ACY1: variants seen among roughly 807,000 people sequenced by gnomAD.
ACY1 encodes aminoacylase 1.
Under a neutral mutation model 53.3 loss-of-function variants are expected in ACY1, and 38 were observed. That is an observed-to-expected ratio of 0.71 (90% CI 0.55 to 0.93). The LOEUF (loss-of-function observed/expected upper bound fraction) is 0.93. Ranked by LOEUF, ACY1 falls within the 40% of genes least tolerant of loss-of-function variation. The pLI is 0.00. For synonymous variants in ACY1, 177 were observed against 202.1 expected (o/e 0.88, Z 1.05); for missense variants, 484 against 540.9 (o/e 0.89, Z 1.04).
At chr3:51,986,067 G>T (rs1274129886) in intron 5 of ACY1, 121 bp downstream of exon 5, 39 of 1,129,858 alleles carry the variant, frequency 3.5e-5, no homozygotes, top group Non-Finnish European at 4.8e-5. Flanking sequence ...TCTTGGACAG[G>T]AACTACTGCC....
At chr3:51,983,939 T>C (rs1055451321) in intron 1 of ACY1, 108 bp from the exon 2 acceptor site, 1 of 797,776 alleles carries the variant, frequency 1.3e-6, no homozygotes, top group Admixed American at 1.8e-5. Context: ...AAACACGGTA[T>C]CCTACCCCTG....
Position 51,985,869 on chromosome 3 carries a change from C to A in ACY1, c.282C>A (p.Asp94Glu), listed in dbSNP as rs750408037. The change falls in exon 5 of 15, where the codon GAC (aspartate) becomes GAA (glutamate). Residue 94 changes from aspartate (D) to glutamate (E), a missense_variant. Physicochemically the swap from Asp to Glu is conservative, Grantham distance 45. Coordinates refer to ENST00000636358, the MANE Select transcript of ACY1 (RefSeq NM_000666.3). The part of the protein sequence containing the change: ...VPVFKEHWSH[D>E]PFEAFKDSEG... ...GCCCCCAGGAACATTGGAGTCACGACCCCTTTGAGGCCTTCAAGGATTCTG... is the reference window on the plus strand; with the variant it reads ...GCCCCCAGGAACATTGGAGTCACGAACCCTTTGAGGCCTTCAAGGATTCTG... 1 of 1,613,580 alleles carries A rather than the reference C, an allele frequency of 6.2e-7. No individual in the cohort carries two copies. The highest frequency in any genetic ancestry group is 1.7e-5 in the Admixed American group (1 of 59,952).
intron 12 of ACY1, 89 bp downstream of exon 12, chr3:51,987,713 A>G (rs1366208995): frequency 2.7e-5 from 36 of 1,357,460 alleles, no homozygotes; most frequent in Non-Finnish European, 3.3e-5. Context: ...GTGTGTCTGC[A>G]TATGTCTGGG....
chr3:51,987,544 C>T lies in ACY1; in HGVS notation c.853-12C>T. ...GAAAGCCTGAAGGATCAGCTCGTCTCCCTTCTCTTAGGCTTTTGAGGAGCA... is the reference window on the plus strand; with the variant it reads ...GAAAGCCTGAAGGATCAGCTCGTCTTCCTTCTCTTAGGCTTTTGAGGAGCA... On this transcript the variant is annotated splice_polypyrimidine_tract_variant and intron_variant, in intron 11 of 14. Transcript: ENST00000636358. 6.2e-7 allele frequency: 1 copy of T among 1,614,050 alleles called. No individual in the cohort carries two copies.
intron 11 of ACY1, 37 bp downstream of exon 11, chr3:51,987,490 G>C: frequency 6.2e-7 from 1 of 1,614,094 alleles, no homozygotes; most frequent in Non-Finnish European, 8.5e-7. Context: ...AGGGATCCTG[G>C]GTCCTCAGTC....
Position 51,984,132 on chromosome 3 carries a change from G to C in ACY1, c.68G>C (p.Arg23Pro). Residue 23 changes from arginine to proline, a missense_variant, in exon 2 of 15, where the codon CGC (arginine) becomes CCC (proline). Physicochemically the swap from Arg to Pro is moderately radical, Grantham distance 103. Transcript: ENST00000636358. ...CTCTTCCGCCAGTACCTGCGTATCCGCACTGTCCAGCCCAAGCCTGACTAT... is the reference window on the plus strand; with the variant it reads ...CTCTTCCGCCAGTACCTGCGTATCCCCACTGTCCAGCCCAAGCCTGACTAT... ...VTLFRQYLRI[R>P]TVQPKPDYGA... 6.2e-7 allele frequency: 1 copy of C among 1,613,902 alleles called. No homozygotes were observed. Among genetic ancestry groups the C allele is most frequent in the African/African-American group, 1.3e-5 (1 of 75,072 alleles).
At position 51,985,886 on chromosome 3, in the gene ACY1, A is replaced by G. The variant is rs1300042641; in HGVS notation, c.299A>G (p.Lys100Arg). The G allele has an allele frequency of 2.5e-6, 4 of 1,613,742 alleles. No individual in the cohort carries two copies. The highest frequency in any genetic ancestry group is 3.4e-6 in the Non-Finnish European group (4 of 1,179,862). The change falls in exon 5 of 15, where the codon AAG becomes AGG. Residue 100 changes from lysine (K) to arginine (R), a missense_variant. By Grantham distance (26) the Lys-to-Arg change is conservative (BLOSUM62 2). Coordinates refer to ENST00000636358, the MANE Select transcript of ACY1 (RefSeq NM_000666.3). ...HWSHDPFEAFKDSEGYIYARG... is the reference protein window; with the variant it reads ...HWSHDPFEAFRDSEGYIYARG... ...AGTCACGACCCCTTTGAGGCCTTCA[A>G]GGATTCTGAGGGCTACATCTATGCC... is the stretch of plus-strand genomic sequence containing the variant.
At chr3:51,984,328 G>A (rs1427501572) in intron 2 of ACY1, 170 bp downstream of exon 2, 1 of 686,392 alleles carries the variant, frequency 1.5e-6, no homozygotes, top group East Asian at 2.7e-5. Flanking sequence ...AGCCCCTCCA[G>A]GTTAGGGAGG....
chr3:51,983,968 C>T, intron 1 of ACY1, 79 bp from the exon 2 acceptor site: 1 of 1,067,556 alleles, frequency 9.4e-7, no homozygotes, highest in African/African-American at 1.5e-5. Flanking sequence ...CCGGGAGCCG[C>T]CGTGGGGACA....
In ACY1 at chr3:51,985,616, C is replaced by T; in HGVS notation, c.264+151C>T. ...TATGACATTACACCACTCAAGCAGC[C>T]TTCATCCAGCAGCAAGTTCTGGGCC... On this transcript the variant is annotated intron_variant, in intron 4 of 14. Transcript: ENST00000636358. The T allele has an allele frequency of 4.8e-6, 4 of 828,810 alleles. No individual in the cohort carries two copies. The Admixed American group carries it at 8.2e-5, about 17-fold the overall frequency. 51.3% of individuals were successfully genotyped at this position (828,810 alleles called of 1,614,324 possible). A position where few individuals can be genotyped will look rare whatever the true frequency, so the allele number is the denominator to read the frequency against.
At chr3:51,985,153 T>A in intron 2 of ACY1, 54 bp from the exon 3 acceptor site, 1 of 1,567,830 alleles carries the variant, frequency 6.4e-7, no homozygotes, top group Non-Finnish European at 8.7e-7. Flanking sequence ...CTGCCTGGGC[T>A]GGTGGGAAGC....
intron 6 of ACY1, 39 bp downstream of exon 6, chr3:51,986,370 G>A (rs1701056423): frequency 6.2e-7 from 1 of 1,609,300 alleles, no homozygotes; most frequent in Non-Finnish European, 8.5e-7. Context: ...AGGGGAGGGT[G>A]GGGCGGGGCA....
intron 2 of ACY1, chr3:51,984,534 G>A: frequency 2.7e-6 from 1 of 369,130 alleles, no homozygotes; most frequent in Admixed American, 3.9e-5. Flanking sequence ...TGGTGGCTAG[G>A]GCCTGGGAGG....
At chr3:51,983,952 G>C in intron 1 of ACY1, 95 bp from the exon 2 acceptor site, 1 of 884,300 alleles carries the variant, frequency 1.1e-6, no homozygotes, top group Non-Finnish European at 1.9e-6. Flanking sequence ...TACCCCTGTG[G>C]GAAGTCCGGG....
rs1460840015 is a variant in ACY1 at position 51,989,071 on chromosome 3, G to C, written c.1223G>C (p.Ser408Thr). ...AGTGTGCCTGCCCTGCCCAGTGACA[G>C]CTGAGCCCTGGAACTCCTAAACCTT... is the stretch of plus-strand genomic sequence containing the variant. Reference protein sequence around the residue: ...LASVPALPSDS With the variant: ...LASVPALPSDT The change falls in exon 15 of 15, where the codon AGC becomes ACC. Residue 408 changes from serine (S) to threonine (T), a missense_variant. By Grantham distance (58) the Ser-to-Thr change is moderately conservative. Coordinates refer to ENST00000636358, the MANE Select transcript of ACY1 (RefSeq NM_000666.3). 1.2e-6 allele frequency: 2 copies of C among 1,613,586 alleles called. No homozygotes were observed. Among genetic ancestry groups the C allele is most frequent in the East Asian group, 2.2e-5 (1 of 44,886 alleles).
intron 2 of ACY1, 92 bp downstream of exon 2, chr3:51,984,250 GCCCCA>G: frequency 1.7e-6 from 2 of 1,204,336 alleles, no homozygotes; most frequent in Non-Finnish European, 2.4e-6. Flanking sequence ...ACCCAGCTGA[GCCCCA>G]CTCTGCTGTC....
In ACY1 at chr3:51,988,589, G is replaced by A. The variant is rs1231555832; in HGVS notation, c.987G>A (p.Arg329=). ...DSNPWWAAFS[R]VCKDMNLTLE... is the part of the protein sequence containing the mutation. ...ACCCTTGGTGGGCAGCTTTTAGCCG[G>A]GTCTGCAAGGATATGTGAGCACGCT... The change falls in exon 13 of 15, where the codon CGG becomes CGA. Residue 329 remains arginine, a synonymous_variant. Transcript: ENST00000636358. 4 of 1,614,066 alleles carry A rather than the reference G, an allele frequency of 2.5e-6. No homozygotes were observed. The highest frequency in any genetic ancestry group is 2.2e-5 in the South Asian group (2 of 91,072).
In ACY1 at chr3:51,988,981, G is replaced by T. The variant is rs150480963; in HGVS notation, c.1133G>T (p.Arg378Leu). 1 of 1,614,122 alleles carries T rather than the reference G, an allele frequency of 6.2e-7. No individual in the cohort carries two copies. The highest frequency in any genetic ancestry group is 8.5e-7 in the Non-Finnish European group (1 of 1,180,022). ...GTGCTGCTGCACGACCACGATGAAC[G>T]GCTGCATGAGGCTGTGTTCCTCCGT... ...TPVLLHDHDE[R>L]LHEAVFLRGV... The change falls in exon 15 of 15, where the codon CGG becomes CTG. Residue 378 changes from arginine (R) to leucine (L), a missense_variant. By Grantham distance (102) the Arg-to-Leu change is moderately radical. Coordinates refer to ENST00000636358, the MANE Select transcript of ACY1 (RefSeq NM_000666.3).
intron 2 of ACY1, chr3:51,984,989 C>A (rs1461634205): frequency 6.5e-6 from 4 of 616,232 alleles, no homozygotes; most frequent in Non-Finnish European, 1.2e-5. Context: ...TTCCTCCAAC[C>A]CTGTGTCCAG....
Sources: gnomAD v4.1 joint callset for allele counts on GRCh38, gnomAD v4.1.1 for gene constraint, MANE v1.5 for transcripts, NCBI Gene and HGNC (gene_info 2026-07-23, HGNC 2026-07-21) for gene names.